XPR1: variants seen among roughly 807,000 people sequenced by gnomAD.
The protein encoded by XPR1 is xenotropic and polytropic retrovirus receptor 1.
In XPR1, 28 loss-of-function variants were observed where a neutral mutation model predicts 87.5. That is an observed-to-expected ratio of 0.32 (90% CI 0.24 to 0.44). The LOEUF (loss-of-function observed/expected upper bound fraction) is 0.44, where lower values mean the gene tolerates loss of function less well. XPR1 is among the 20% of genes least tolerant of loss of function. The pLI is 1.00. For missense variants in XPR1, 559 were observed against 862.3 expected (o/e 0.65, Z 4.41); for synonymous variants, 300 against 306.1 (o/e 0.98, Z 0.21).
At chr1:180,768,540 G>T (rs1648378829) in intron 2 of XPR1, among the ~76,000 whole-genome samples, 2 of 152,220 alleles carry the variant, frequency 1.3e-5, no homozygotes, top group Non-Finnish European at 2.9e-5. Flanking sequence ...ACAATGAAAT[G>T]ATAATAATCA....
chr1:180,789,444 C>T lies in XPR1; in HGVS notation c.223+1590C>T, dbSNP rs1649297944. On this transcript the variant is annotated intron_variant, in intron 3 of 14. Transcript: ENST00000367590. ...CTAATACGAGTCTATGACCATGTCT[C>T]CTAGCCTTTTAGCTTTTTACTCCCC... is the stretch of plus-strand genomic sequence containing the variant. Among the ~76,000 whole-genome samples, 3 of 152,302 alleles carry T rather than the reference C, an allele frequency of 2.0e-5. No homozygotes were observed. In the South Asian group the frequency reaches 6.2e-4, roughly 32 times the overall value.
chr1:180,737,369 C>T (rs887093377), intron 2 of XPR1, among the ~76,000 whole-genome samples: 6 of 152,164 alleles, frequency 3.9e-5, no homozygotes, highest in East Asian at 1.9e-4. Context: ...TTTTCTAAAA[C>T]GTGATATACT....
intron 2 of XPR1, among the ~76,000 whole-genome samples, chr1:180,760,148 G>A (rs1220424053): frequency 6.6e-6 from 1 of 152,138 alleles, no homozygotes; most frequent in Admixed American, 6.5e-5. Context: ...CATACCCACA[G>A]CCAATATCAT....
intron 3 of XPR1, among the ~76,000 whole-genome samples, chr1:180,791,854 TTTAAG>T (rs1649403943): frequency 6.6e-6 from 1 of 152,350 alleles, no homozygotes; most frequent in Non-Finnish European, 1.5e-5. Context: ...ACATGATTTC[TTTAAG>T]TTAGGTCGCT....
intron 11 of XPR1, among the ~76,000 whole-genome samples, chr1:180,846,445 A>ATT (rs1397205770): frequency 8.1e-4 from 102 of 125,588 alleles, no homozygotes; most frequent in African/African-American, 2.5e-3. Context: ...TTGTTTATTT[A>ATT]TTTATTTTTT....
chr1:180,697,428 TA>T (rs777201195), intron 2 of XPR1, among the ~76,000 whole-genome samples: 6 of 152,184 alleles, frequency 3.9e-5, no homozygotes, highest in East Asian at 1.9e-4. Flanking sequence ...ATTGTTTGTA[TA>T]TTTTTTTAGT....
intron 1 of XPR1, among the ~76,000 whole-genome samples, chr1:180,671,632 CT>C (rs370379332): frequency 6.6e-6 from 1 of 152,210 alleles, no homozygotes; most frequent in African/African-American, 2.4e-5. Context: ...TCAAATGATT[CT>C]CTTGCCTCAG....
chr1:180,723,681 G>T (rs1187239397), intron 2 of XPR1, among the ~76,000 whole-genome samples: 1 of 152,062 alleles, frequency 6.6e-6, no homozygotes, highest in Non-Finnish European at 1.5e-5. Context: ...CAACTCTTCT[G>T]GAACCTCCTC....
intron 2 of XPR1, among the ~76,000 whole-genome samples, chr1:180,704,779 C>T (rs1011140210): frequency 2.1e-5 from 3 of 144,072 alleles, no homozygotes; most frequent in Non-Finnish European, 4.5e-5. Context: ...CAGCCTGGGA[C>T]CTCCAATCAG....
At chr1:180,713,139 A>G (rs1179257620) in intron 2 of XPR1, among the ~76,000 whole-genome samples, 1 of 151,818 alleles carries the variant, frequency 6.6e-6, no homozygotes, top group Non-Finnish European at 1.5e-5. Context: ...TAAGGTATAT[A>G]TTTCTCTTTG....
rs1207163033 is a variant in XPR1 at position 180,888,024 on chromosome 1, G to A, written c.*3958G>A. 2.0e-5 allele frequency: 3 copies of A among 152,236 alleles called. No individual in the cohort carries two copies. Among genetic ancestry groups the A allele is most frequent in the East Asian group, 1.9e-4 (1 of 5,198 alleles). The allele number at this position is 152,236 out of a possible 1,614,324, so 9.4% of individuals were successfully genotyped here. A position where few individuals can be genotyped will look rare whatever the true frequency, so the allele number is the denominator to read the frequency against. On this transcript the variant is annotated 3_prime_UTR_variant, in exon 15 of 15. Transcript: ENST00000367590. ...AGATAGCAGAGAAGAGCAAGAAGATGTTGGACGTTGGCAGTAAGCCGCAGC... is the reference window on the plus strand; with the variant it reads ...AGATAGCAGAGAAGAGCAAGAAGATATTGGACGTTGGCAGTAAGCCGCAGC...
At chr1:180,845,447 A>G (rs956031604) in intron 11 of XPR1, among the ~76,000 whole-genome samples, 2 of 152,258 alleles carry the variant, frequency 1.3e-5, no homozygotes, top group African/African-American at 4.8e-5. Context: ...AGTATATGAA[A>G]TATTATACAG....
chr1:180,805,140 G>T (rs1317603305), intron 4 of XPR1, among the ~76,000 whole-genome samples: 1 of 152,266 alleles, frequency 6.6e-6, no homozygotes, highest in East Asian at 1.9e-4. Context: ...TTGATTAAAA[G>T]CTATCTCTAA....
At chr1:180,840,713 T>C (rs1651479645) in intron 11 of XPR1, among the ~76,000 whole-genome samples, 1 of 151,834 alleles carries the variant, frequency 6.6e-6, no homozygotes, top group African/African-American at 2.4e-5. Flanking sequence ...AACCTTATAG[T>C]TACATGTTAA....
chr1:180,666,703 T>A lies in XPR1; in HGVS notation c.70-15657T>A, dbSNP rs1655973280. 2.0e-5 allele frequency among the ~76,000 whole-genome samples: 3 copies of A among 152,334 alleles called. No homozygotes were observed. In the South Asian group the frequency reaches 6.2e-4, roughly 32 times the overall value. ...CTTTGTATCAGCTACTTTGCTGAATTCATTGATTAGTTTTTCTTTTTTTGG... is the reference window on the plus strand; with the variant it reads ...CTTTGTATCAGCTACTTTGCTGAATACATTGATTAGTTTTTCTTTTTTTGG... On this transcript the variant is annotated intron_variant, in intron 1 of 14. Transcript: ENST00000367590.
intron 7 of XPR1, among the ~76,000 whole-genome samples, chr1:180,812,360 TA>T (rs763654356): frequency 3.3e-5 from 5 of 152,168 alleles, no homozygotes; most frequent in African/African-American, 1.2e-4. Flanking sequence ...GACTCCCAAA[TA>T]TATGTTCTCT....
At chr1:180,852,174 T>G (rs1049453153) in intron 11 of XPR1, among the ~76,000 whole-genome samples, 2 of 152,056 alleles carry the variant, frequency 1.3e-5, no homozygotes, top group Non-Finnish European at 2.9e-5. Context: ...GTTAACTCAG[T>G]GAAGGTTTTG....
At chr1:180,823,084 A>C (rs1457511214) in intron 7 of XPR1, among the ~76,000 whole-genome samples, 1 of 152,142 alleles carries the variant, frequency 6.6e-6, no homozygotes, top group Non-Finnish European at 1.5e-5. Flanking sequence ...TACTAAAAAT[A>C]CAAAAAATTA....
At chr1:180,656,348 T>TTATA (rs568565933) in intron 1 of XPR1, among the ~76,000 whole-genome samples, 2,227 of 106,340 alleles carry the variant, frequency 0.021, 119 homozygotes, top group African/African-American at 0.063. Flanking sequence ...ATTTATATAT[T>TTATA]TAATATTTAT....
Sources: allele counts gnomAD v4.1 joint callset (sites outside exome capture counted in the v4.1 genomes callset), GRCh38; gene constraint gnomAD v4.1.1; transcripts MANE v1.5; gene names NCBI Gene and HGNC (gene_info 2026-07-23, HGNC 2026-07-21).